ACTN1: variants seen among roughly 807,000 people sequenced by gnomAD.
ACTN1 encodes alpha-actinin-1.
In ACTN1, 30 loss-of-function variants were observed where a neutral mutation model predicts 119.6. The observed-to-expected ratio is 0.25, with a 90% CI of 0.19 to 0.34. The LOEUF (loss-of-function observed/expected upper bound fraction) is 0.34, where lower values mean the gene tolerates loss of function less well. ACTN1 is among the 10% of genes least tolerant of loss of function. The pLI, the probability that ACTN1 is intolerant of heterozygous loss-of-function variation, is 1.00. For missense variants in ACTN1, 764 were observed against 1,223.4 expected, an observed-to-expected ratio of 0.62 and a Z score of 5.60; for synonymous variants, 429 against 472.6, an observed-to-expected ratio of 0.91 and a Z score of 1.20.
At chr14:68,976,185 A>AT (rs1378551310) in intron 1 of ACTN1, among the ~76,000 whole-genome samples, 6 of 152,190 alleles carry the variant, frequency 3.9e-5, no homozygotes, top group Non-Finnish European at 8.8e-5. Flanking sequence ...AGAAATAGCT[A>AT]TGGCTGCACC....
intron 1 of ACTN1, chr14:68,977,295 G>T (rs1313518962): frequency 3.3e-5 from 5 of 152,276 alleles, no homozygotes; most frequent in Admixed American, 3.3e-4. Flanking sequence ...TCACTTTTCA[G>T]TTCCACCCAC....
rs751240791 is a variant in ACTN1, at chr14:68,979,098, T to C, written c.-42A>G. ...TAGGGTCTGGATTTCTTCCTCCACC[T>C]TCTCTCTGAGCAACGGCTGCTGCCC... On this transcript the variant is annotated 5_prime_UTR_variant, in exon 1 of 22. Coordinates refer to ENST00000394419, the MANE Select transcript of ACTN1 (RefSeq NM_001130004.2). The C allele has an allele frequency of 7.1e-7, 1 of 1,401,734 alleles. No homozygotes were observed. Among genetic ancestry groups the C allele is most frequent in the East Asian group, 2.7e-5 (1 of 36,390 alleles). The allele number at this position is 1,401,734 out of a possible 1,614,324, so 86.8% of individuals were successfully genotyped here.
chr14:68,889,130 CT>C (rs1378191799), intron 11 of ACTN1, among the ~76,000 whole-genome samples: 3 of 152,222 alleles, frequency 2.0e-5, no homozygotes, highest in African/African-American at 7.2e-5. Flanking sequence ...TGTTCCCCAC[CT>C]CCAGCCCTGG....
chr14:68,973,851 A>C (rs2036974638), intron 1 of ACTN1: 1 of 152,220 alleles, frequency 6.6e-6, no homozygotes, highest in African/African-American at 2.4e-5. Context: ...GAACTAAGGA[A>C]GCAGGCTCAG....
rs1290416113 is a variant in ACTN1, at chr14:68,884,846, G to A, written c.1423C>T (p.Arg475Cys). Reference protein sequence around the residue: ...DYYDSPSVNARCQKICDQWDN... With the variant: ...DYYDSPSVNACCQKICDQWDN... Reference sequence around the variant, plus strand: ...CACTGGTCACAGATCTTTTGGCAACGGGCGTTGACACTGGGTGAGTCATAA... The same window carrying A: ...CACTGGTCACAGATCTTTTGGCAACAGGCGTTGACACTGGGTGAGTCATAA... The change falls in exon 13 of 22, where the codon CGT (arginine) becomes TGT (cysteine). Residue 475 changes from arginine to cysteine, a missense_variant. Transcript: ENST00000394419. 51 of 1,614,190 alleles carry A rather than the reference G, an allele frequency of 3.2e-5. No homozygotes were observed. Among genetic ancestry groups the A allele is most frequent in the Non-Finnish European group, 4.0e-5 (47 of 1,179,998 alleles).
intron 6 of ACTN1, among the ~76,000 whole-genome samples, chr14:68,907,431 GC>G: frequency 6.8e-6 from 1 of 146,790 alleles, no homozygotes; most frequent in East Asian, 2.1e-4. Context: ...AGGCGTGCTG[GC>G]GTGCGCCTGT....
intron 11 of ACTN1, among the ~76,000 whole-genome samples, chr14:68,888,731 T>C (rs2032233652): frequency 6.6e-6 from 1 of 152,154 alleles, no homozygotes; most frequent in South Asian, 2.1e-4. Flanking sequence ...GGGGCGGCAC[T>C]GGATTCTCAC....
At chr14:68,915,657 CCT>C (rs1270111956) in intron 3 of ACTN1, among the ~76,000 whole-genome samples, 4 of 152,196 alleles carry the variant, frequency 2.6e-5, no homozygotes, top group Admixed American at 6.5e-5. Flanking sequence ...CCATTGGCCC[CCT>C]GAGAACACAA....
At chr14:68,889,491 A>G (rs547875972) in intron 11 of ACTN1, among the ~76,000 whole-genome samples, 4 of 152,374 alleles carry the variant, frequency 2.6e-5, no homozygotes, top group African/African-American at 9.6e-5. Flanking sequence ...TGCAGACATA[A>G]TTCCTTAAGA....
chr14:68,947,305 G>A (rs778884760), intron 1 of ACTN1: 2 of 152,204 alleles, frequency 1.3e-5, no homozygotes, highest in Admixed American at 6.5e-5. Context: ...AGAATGGTTC[G>A]CTAAAAGCAC....
intron 4 of ACTN1, among the ~76,000 whole-genome samples, chr14:68,910,462 G>C (rs933048384): frequency 9.9e-5 from 15 of 152,174 alleles, no homozygotes; most frequent in African/African-American, 3.6e-4. Context: ...ACACAGCTGA[G>C]TGAGAAGAAA....
chr14:68,927,042 C>T (rs2034961761), intron 1 of ACTN1, among the ~76,000 whole-genome samples: 1 of 152,194 alleles, frequency 6.6e-6, no homozygotes, highest in African/African-American at 2.4e-5. Flanking sequence ...GAATACCTCT[C>T]TCTCCCTGCA....
chr14:68,909,369 A>C lies in ACTN1; in HGVS notation c.543T>G (p.Ala181=). ...ISWKDGLGFC[A]LIHRHRPELI... ...GCTCGGGCCGGTGTCGGTGGATCAA[A>C]GCACAGAAGCCGAGGCCATCCTTCC... Residue 181 remains alanine (A), a synonymous_variant, in exon 6 of 22, where the codon GCT becomes GCG. Coordinates refer to ENST00000394419, the MANE Select transcript of ACTN1 (RefSeq NM_001130004.2). This position sits in a 1 kb window ranked among gnomAD's most constrained non-coding sequence, Gnocchi z 4.1. 6.2e-7 allele frequency: 1 copy of C among 1,614,088 alleles called. No individual in the cohort carries two copies. Among genetic ancestry groups the C allele is most frequent in the Non-Finnish European group, 8.5e-7 (1 of 1,179,988 alleles).
intron 1 of ACTN1, chr14:68,978,707 C>A (rs895699921): frequency 8.7e-6 from 3 of 343,290 alleles, no homozygotes; most frequent in Non-Finnish European, 1.6e-5. Context: ...GGAGACCTGC[C>A]CGCCAGCGGC....
At chr14:68,921,277 G>A in intron 2 of ACTN1, 152 bp from the exon 3 acceptor site, 1 of 918,520 alleles carries the variant, frequency 1.1e-6, no homozygotes, top group Non-Finnish European at 1.5e-6. Context: ...GCTGCTCAGG[G>A]GCTGGAGAAT....
intron 6 of ACTN1, among the ~76,000 whole-genome samples, chr14:68,906,655 T>C (rs1018491128): frequency 1.3e-5 from 2 of 152,144 alleles, no homozygotes; most frequent in African/African-American, 4.8e-5. Flanking sequence ...TGCCCACCCA[T>C]GGCTGCTGCA....
chr14:68,932,332 A>G lies in ACTN1; in HGVS notation c.106-6660T>C, dbSNP rs2035257597. On this transcript the variant is annotated intron_variant, in intron 1 of 21. Coordinates refer to ENST00000394419, the MANE Select transcript of ACTN1 (RefSeq NM_001130004.2). ...GATGCCTCCTGCTCTCAAACATCAG[A>G]CTCCAAGTTCTTCAGCTTTGGGACT... is the stretch of plus-strand genomic sequence containing the variant. Among the ~76,000 whole-genome samples the G allele has an allele frequency of 2.0e-5, 3 of 151,154 alleles. No homozygotes were observed. The South Asian group carries it at 6.3e-4, about 32-fold the overall frequency.
Position 68,878,754 on chromosome 14 carries a change from G to T in ACTN1, c.2362-231C>A. ...GGGAGATGCAAAAATCCACCCATGG[G>T]ATGAAGAGCAGCGAGGACGGAAGAC... On this transcript the variant is annotated intron_variant, in intron 19 of 21. Coordinates refer to ENST00000394419, the MANE Select transcript of ACTN1 (RefSeq NM_001130004.2). The surrounding 1 kb of genome is among the most constrained non-coding windows in gnomAD (Gnocchi z 4.4). 1.3e-6 allele frequency: 2 copies of T among 1,543,192 alleles called. No homozygotes were observed. Among genetic ancestry groups the T allele is most frequent in the Non-Finnish European group, 1.7e-6 (2 of 1,151,110 alleles).
At position 68,935,387 on chromosome 14, in the gene ACTN1, ATTTTT is replaced by A. The variant is rs560204692; in HGVS notation, c.106-9720_106-9716del. Among the ~76,000 whole-genome samples, 445 of 56,432 alleles carry A rather than the reference ATTTTT, an allele frequency of 7.9e-3. 4 individuals carry two copies. The highest frequency in any genetic ancestry group is 0.034 in the African/African-American group (421 of 12,374). 37.0% of individuals were successfully genotyped at this position (56,432 alleles called of 152,430 possible). ...TCTCCTGTCAGAGAGCTCTCTGTTCATTTTTTTTTTTTTTTTTTTTTTTTTTGAGA... is the reference window on the plus strand; with the variant it reads ...TCTCCTGTCAGAGAGCTCTCTGTTCATTTTTTTTTTTTTTTTTTTTTGAGA... On this transcript the variant is annotated intron_variant, in intron 1 of 21. Transcript: ENST00000394419.
Sources: allele counts gnomAD v4.1 joint callset (sites outside exome capture counted in the v4.1 genomes callset), GRCh38; gene constraint gnomAD v4.1.1; non-coding constraint Gnocchi (gnomAD v3.1); transcripts MANE v1.5; gene names NCBI Gene and HGNC (gene_info 2026-07-23, HGNC 2026-07-21).